Variants in DST observed in about 807,000 individuals in gnomAD.
DST encodes dystonin.
A neutral mutation model predicts 875.2 loss-of-function variants in DST; 253 were observed. The ratio of observed to expected loss-of-function variants is 0.29; its 90% CI spans 0.26 to 0.32. The LOEUF is 0.32. Ranked by LOEUF, DST falls within the 10% of genes least tolerant of loss-of-function variation. The pLI, the probability that DST is intolerant of heterozygous loss-of-function variation, is 1.00. For synonymous variants in DST, 3,124 were observed against 3,197.1 expected, an observed-to-expected ratio of 0.98 and a Z score of 0.77; for missense variants, 8,287 against 9,111.6, an observed-to-expected ratio of 0.91 and a Z score of 3.68.
At chr6:56,926,883 C>A (rs1050173439) in intron 2 of DST, among the ~76,000 whole-genome samples, 2 of 152,104 alleles carry the variant, frequency 1.3e-5, no homozygotes, top group Non-Finnish European at 2.9e-5. Context: ...ACATACAGCA[C>A]CAGGACCCAA....
intron 3 of DST, among the ~76,000 whole-genome samples, chr6:56,873,063 G>GTA (rs999906351): frequency 3.3e-5 from 5 of 152,102 alleles, no homozygotes; most frequent in Non-Finnish European, 7.3e-5. Context: ...ATATCCCATT[G>GTA]TAGTTTTAAT....
chr6:56,924,423 T>TA (rs201344390), intron 2 of DST, among the ~76,000 whole-genome samples: 1,776 of 146,538 alleles, frequency 0.012, 33 homozygotes, highest in African/African-American at 0.041. Flanking sequence ...ATGTTATATA[T>TA]TTTTTAATAT....
chr6:56,813,605 T>C (rs1284224058), intron 4 of DST, among the ~76,000 whole-genome samples: 1 of 152,190 alleles, frequency 6.6e-6, no homozygotes, highest in Non-Finnish European at 1.5e-5. Context: ...ACTAGTTTCC[T>C]ACTATTTAAC....
Position 56,598,566 on chromosome 6 carries a change from T to C in DST, c.11838A>G (p.Ile3946Met), listed in dbSNP as rs1055594418. The change falls in exon 46 of 104, where the codon ATA becomes ATG. Residue 3946 changes from isoleucine to methionine, a missense_variant. By Grantham distance (10) the Ile-to-Met change is conservative. Around this residue, in one of 10 missense-constraint regions of DST, gnomAD observed 1,513 missense variants for 1,677.8 expected, o/e 0.90. Coordinates refer to ENST00000680361, the MANE Select transcript of DST (RefSeq NM_001374736.1). ...CTTTTAAATTAAGCTGTTCACACTT[T>C]ATCTTAGCTTCATTAAGTTTCTGTT... Reference protein sequence around the residue: ...LIEQKLNEAKIKCEQLNLKAE... With the variant: ...LIEQKLNEAKMKCEQLNLKAE... The C allele has an allele frequency of 1.2e-6, 2 of 1,612,274 alleles. No homozygotes were observed. Among genetic ancestry groups the C allele is most frequent in the South Asian group, 1.1e-5 (1 of 90,768 alleles).
At chr6:56,839,454 A>C (rs2099797394) in intron 4 of DST, among the ~76,000 whole-genome samples, 1 of 152,246 alleles carries the variant, frequency 6.6e-6, no homozygotes, top group Non-Finnish European at 1.5e-5. Context: ...ACTAGCTATA[A>C]TATTATCATG....
intron 61 of DST, among the ~76,000 whole-genome samples, chr6:56,543,271 A>G (rs550024163): frequency 6.6e-6 from 1 of 152,382 alleles, no homozygotes; most frequent in Admixed American, 6.5e-5. Flanking sequence ...TCTGCGATGC[A>G]AAGTGCAGAT....
chr6:56,554,134 G>C lies in DST; in HGVS notation c.15137-479C>G, dbSNP rs529895817. Reference sequence around the variant, plus strand: ...GAGTCTCGCTCTGTCACCCAGACTGGAGTGTTGAGGCGCTATCTCAGCTCA... The same window carrying C: ...GAGTCTCGCTCTGTCACCCAGACTGCAGTGTTGAGGCGCTATCTCAGCTCA... On this transcript the variant is annotated intron_variant, in intron 60 of 103. Transcript: ENST00000680361. Among the ~76,000 whole-genome samples the C allele has an allele frequency of 2.2e-5, 3 of 138,394 alleles. No homozygotes were observed. The East Asian group carries it at 6.1e-4, about 28-fold the overall frequency. 90.8% of individuals were successfully genotyped at this position (138,394 alleles called of 152,430 possible). A position where few individuals can be genotyped will look rare whatever the true frequency, so the allele number is the denominator to read the frequency against.
intron 27 of DST, 38 bp from the exon 28 acceptor site, chr6:56,633,075 A>G: frequency 6.3e-7 from 1 of 1,576,250 alleles, no homozygotes; most frequent in South Asian, 1.1e-5. Context: ...TCATTCTATT[A>G]CTCATAGATT....
intron 4 of DST, 31 bp from the exon 5 acceptor site, chr6:56,735,320 G>A: frequency 7.5e-7 from 1 of 1,337,716 alleles, no homozygotes; most frequent in Non-Finnish European, 1.0e-6. Flanking sequence ...TAAAGATAAG[G>A]TTGGTAAAAT....
intron 49 of DST, among the ~76,000 whole-genome samples, chr6:56,585,144 G>T (rs1396005043): frequency 6.6e-6 from 1 of 152,164 alleles, no homozygotes; most frequent in African/African-American, 2.4e-5. Flanking sequence ...TTTTTCTATT[G>T]ATTGGACTAG....
chr6:56,460,356 C>A, intron 102 of DST, 102 bp from the exon 103 acceptor site: 1 of 1,272,754 alleles, frequency 7.9e-7, no homozygotes, highest in African/African-American at 1.5e-5. Context: ...CTCTACTATT[C>A]CTCTTTAGGA....
intron 36 of DST, chr6:56,617,443 T>A: frequency 6.4e-7 from 1 of 1,566,148 alleles, no homozygotes; most frequent in Non-Finnish European, 8.8e-7. Context: ...TATAAAATGT[T>A]AAAAGTCACC....
At chr6:56,620,492 T>C (rs778300913) in intron 36 of DST, 3 of 1,614,124 alleles carry the variant, frequency 1.9e-6, no homozygotes, top group East Asian at 2.2e-5. Context: ...CAGAGAGATA[T>C]CTTCTACATT....
At chr6:56,890,661 C>G (rs796251058) in intron 3 of DST, among the ~76,000 whole-genome samples, 10 of 152,278 alleles carry the variant, frequency 6.6e-5, no homozygotes, top group African/African-American at 2.4e-4. Flanking sequence ...CTTACAAATC[C>G]AGAATAAGTA....
intron 15 of DST, among the ~76,000 whole-genome samples, chr6:56,643,509 T>C (rs2098924969): frequency 6.6e-6 from 1 of 152,232 alleles, no homozygotes; most frequent in African/African-American, 2.4e-5. Flanking sequence ...TTGTCTGTGC[T>C]TGTTTTTCCA....
chr6:56,780,158 C>T (rs958231815), intron 4 of DST, among the ~76,000 whole-genome samples: 5 of 151,540 alleles, frequency 3.3e-5, no homozygotes, highest in African/African-American at 1.2e-4. Context: ...CAAGTCTTTG[C>T]TATTGTGAAT....
intron 4 of DST, among the ~76,000 whole-genome samples, chr6:56,799,686 A>G (rs1221045938): frequency 6.6e-6 from 1 of 151,794 alleles, no homozygotes; most frequent in Middle Eastern, 3.2e-3. Flanking sequence ...TAGTGGCACA[A>G]TCCCAGCTCA....
chr6:56,789,830 T>A (rs929390112), intron 4 of DST, among the ~76,000 whole-genome samples: 20 of 152,230 alleles, frequency 1.3e-4, no homozygotes, highest in Admixed American at 5.2e-4. Flanking sequence ...ACATACGACA[T>A]TTTGTTTATC....
intron 2 of DST, among the ~76,000 whole-genome samples, chr6:56,912,386 C>T (rs1799140863): frequency 6.6e-6 from 1 of 152,078 alleles, no homozygotes; most frequent in Non-Finnish European, 1.5e-5. Flanking sequence ...GCATGCTAGC[C>T]ATATTCTAAG....
Sources: gnomAD v4.1 joint callset for allele counts (sites outside exome capture counted in the v4.1 genomes callset) on GRCh38, gnomAD v4.1.1 for gene constraint, gnomAD v4.1.1 regional missense constraint, MANE v1.5 for transcripts, NCBI Gene and HGNC (gene_info 2026-07-23, HGNC 2026-07-21) for gene names.